Variants in SNTG1 observed in about 807,000 individuals in gnomAD.
SNTG1 encodes syntrophin gamma 1, also known as gamma-1-syntrophin.
SNTG1 carries 39 observed loss-of-function variants against 74.7 expected under a neutral mutation model. The ratio of observed to expected loss-of-function variants is 0.52; its 90% CI spans 0.40 to 0.68. SNTG1 has a LOEUF of 0.68. Among genes scored for constraint, SNTG1 ranks in the 30% least tolerant of loss-of-function variants. SNTG1 has a pLI of 0.00. For synonymous variants in SNTG1, 254 were observed against 217.1 expected, an observed-to-expected ratio of 1.17 and a Z score of -1.49; for missense variants, 685 against 609.5, an observed-to-expected ratio of 1.12 and a Z score of -1.30.
intron 1 of SNTG1, among the ~76,000 whole-genome samples, chr8:49,966,686 C>A (rs576729782): frequency 2.2e-4 from 33 of 152,222 alleles, no homozygotes; most frequent in African/African-American, 7.9e-4. Flanking sequence ...TCAGCCACCA[C>A]GCCCAGCCTA....
intron 13 of SNTG1, among the ~76,000 whole-genome samples, chr8:50,637,727 C>A (rs937580571): frequency 2.6e-5 from 4 of 151,446 alleles, no homozygotes; most frequent in African/African-American, 7.3e-5. Flanking sequence ...GAATTGTTTA[C>A]GAATATATTT....
In SNTG1 at chr8:50,536,697, C is replaced by G. The variant is rs2094310009; in HGVS notation, c.569C>G (p.Ser190Trp). 6.2e-7 allele frequency: 1 copy of G among 1,613,876 alleles called. No individual in the cohort carries two copies. The highest frequency in any genetic ancestry group is 8.5e-7 in the Non-Finnish European group (1 of 1,179,804). Residue 190 changes from serine to tryptophan, a missense_variant, in exon 11 of 19, where the codon TCG becomes TGG. By Grantham distance (177) the Ser-to-Trp change is radical. Transcript: ENST00000642720. ...PNNTDTLSCS[S>W]WPTSPGLRWE... is the part of the protein sequence containing the mutation. ...TTTCAGGACACATTATCATGCTCGTCGTGGCCGACGTCTCCAGGCTTGAGG... is the reference window on the plus strand; with the variant it reads ...TTTCAGGACACATTATCATGCTCGTGGTGGCCGACGTCTCCAGGCTTGAGG...
chr8:50,496,319 T>G (rs2131916421), intron 8 of SNTG1, among the ~76,000 whole-genome samples: 1 of 152,312 alleles, frequency 6.6e-6, no homozygotes, highest in East Asian at 1.9e-4. Context: ...ACTATGATCC[T>G]CACAAGCTAA....
At chr8:50,242,102 C>T (rs2086189625) in intron 2 of SNTG1, among the ~76,000 whole-genome samples, 1 of 151,708 alleles carries the variant, frequency 6.6e-6, no homozygotes, top group Admixed American at 6.6e-5. Context: ...TATACGTATA[C>T]ATATCTACAT....
chr8:50,120,863 T>C (rs7005973), intron 1 of SNTG1, among the ~76,000 whole-genome samples: 37,911 of 141,150 alleles, frequency 0.27, 13,074 homozygotes, highest in African/African-American at 0.72. Flanking sequence ...AGATATTAAA[T>C]GAACAAGTCA....
intron 2 of SNTG1, among the ~76,000 whole-genome samples, chr8:50,269,463 G>A: frequency 6.6e-6 from 1 of 151,974 alleles, no homozygotes; most frequent in East Asian, 1.9e-4. Flanking sequence ...TTACCACTCG[G>A]GGAAATGCTA....
chr8:50,424,504 T>G (rs2093137363), intron 4 of SNTG1, among the ~76,000 whole-genome samples: 1 of 152,060 alleles, frequency 6.6e-6, no homozygotes, highest in African/African-American at 2.4e-5. Flanking sequence ...AAGTCAATTT[T>G]AAAAAGGAAG....
chr8:50,212,224 T>C (rs1343459846), intron 2 of SNTG1, among the ~76,000 whole-genome samples: 2 of 152,146 alleles, frequency 1.3e-5, no homozygotes, highest in African/African-American at 4.8e-5. Flanking sequence ...TTCAAACAAA[T>C]CAGCTCTGTT....
At chr8:50,291,465 C>T (rs913831432) in intron 2 of SNTG1, among the ~76,000 whole-genome samples, 1 of 151,936 alleles carries the variant, frequency 6.6e-6, no homozygotes, top group Admixed American at 6.6e-5. Context: ...AGCTTGTGCA[C>T]GTGCCATGTA....
chr8:50,592,159 G>A (rs1199345329), intron 13 of SNTG1, among the ~76,000 whole-genome samples: 1 of 152,130 alleles, frequency 6.6e-6, no homozygotes. Flanking sequence ...GAGGGAAAAT[G>A]TCATTAATAA....
intron 2 of SNTG1, among the ~76,000 whole-genome samples, chr8:50,342,111 T>C (rs2091334700): frequency 6.6e-6 from 1 of 152,116 alleles, no homozygotes; most frequent in South Asian, 2.1e-4. Context: ...ACAATAAATA[T>C]GTAACTTGTT....
chr8:50,208,180 A>G (rs1801948238), intron 2 of SNTG1, among the ~76,000 whole-genome samples: 1 of 152,148 alleles, frequency 6.6e-6, no homozygotes. Context: ...AAAGTCTCCC[A>G]TTATTATTGA....
At chr8:50,318,628 C>T (rs936787020) in intron 2 of SNTG1, among the ~76,000 whole-genome samples, 4 of 152,138 alleles carry the variant, frequency 2.6e-5, no homozygotes, top group African/African-American at 9.7e-5. Flanking sequence ...GCTTCCAATA[C>T]CACTGGGAAA....
intron 1 of SNTG1, among the ~76,000 whole-genome samples, chr8:50,146,807 A>G (rs2131505954): frequency 6.6e-6 from 1 of 152,264 alleles, no homozygotes; most frequent in Middle Eastern, 3.4e-3. Flanking sequence ...ATTATTTGCC[A>G]TTAATATGTC....
intron 9 of SNTG1, among the ~76,000 whole-genome samples, chr8:50,511,033 G>C (rs555405696): frequency 6.6e-6 from 1 of 152,188 alleles, no homozygotes; most frequent in South Asian, 2.1e-4. Flanking sequence ...GAACTTTCCT[G>C]CTTTCTCTTG....
intron 18 of SNTG1, among the ~76,000 whole-genome samples, chr8:50,777,464 T>A (rs184904254): frequency 6.6e-6 from 1 of 150,788 alleles, no homozygotes; most frequent in East Asian, 1.9e-4. Flanking sequence ...ATTGTATTCT[T>A]TTTTATGTCT....
chr8:49,942,462 A>T (rs1373274409), intron 1 of SNTG1, among the ~76,000 whole-genome samples: 1 of 152,194 alleles, frequency 6.6e-6, no homozygotes, highest in Non-Finnish European at 1.5e-5. Context: ...TTAATAAACC[A>T]ATATCAATGC....
intron 2 of SNTG1, among the ~76,000 whole-genome samples, chr8:50,181,738 C>G (rs1453615842): frequency 6.6e-6 from 1 of 152,058 alleles, no homozygotes; most frequent in African/African-American, 2.4e-5. Context: ...TAACATTTCT[C>G]AGTGATGGAT....
At chr8:50,115,876 C>T (rs2080803076) in intron 1 of SNTG1, among the ~76,000 whole-genome samples, 1 of 151,776 alleles carries the variant, frequency 6.6e-6, no homozygotes. Flanking sequence ...CACCCACCGC[C>T]CCCCAACCCC....
Sources: gnomAD v4.1 joint callset for allele counts (sites outside exome capture counted in the v4.1 genomes callset) on GRCh38, gnomAD v4.1.1 for gene constraint, MANE v1.5 for transcripts, NCBI Gene and HGNC (gene_info 2026-07-23, HGNC 2026-07-21) for gene names.